The following ZBTB39 variants were observed in gnomAD, a reference collection of about 807,000 sequenced individuals.
ZBTB39 encodes zinc finger and BTB domain-containing protein 39.
Under a neutral mutation model 39.4 loss-of-function variants are expected in ZBTB39, and 25 were observed. That is an observed-to-expected ratio of 0.63 (90% confidence interval 0.46 to 0.89). The LOEUF (loss-of-function observed/expected upper bound fraction) is 0.89, where lower values mean the gene tolerates loss of function less well. Among genes scored for constraint, ZBTB39 ranks in the 40% least tolerant of loss-of-function variants. The pLI, the probability that ZBTB39 is intolerant of heterozygous loss-of-function variation, is 0.00. For synonymous variants in ZBTB39, 373 were observed against 359.6 expected (o/e 1.04, Z -0.42); for missense variants, 891 against 909.7 (o/e 0.98, Z 0.26).
At position 57,003,429 on chromosome 12, in the gene ZBTB39, A is replaced by C. The variant is rs780214293; in HGVS notation, c.1489T>G (p.Trp497Gly). 1 of 1,614,216 alleles carries C rather than the reference A, an allele frequency of 6.2e-7. No individual in the cohort carries two copies. The highest frequency in any genetic ancestry group is 1.1e-5 in the South Asian group (1 of 91,082). ...ATGCCGAGATGGGACAGCGTGTGCCACATGAGGCTGCAGAGGTTAAGGTGA... is the reference window on the plus strand; with the variant it reads ...ATGCCGAGATGGGACAGCGTGTGCCCCATGAGGCTGCAGAGGTTAAGGTGA... ...QRHLNLCSLM[W>G]HTLSHLGISV... The change falls in exon 2 of 2, where the codon TGG (tryptophan) becomes GGG (glycine). Residue 497 changes from tryptophan to glycine, a missense_variant. By Grantham distance (184) the Trp-to-Gly change is radical (BLOSUM62 -2). Transcript: ENST00000300101. This position sits in a 1 kb window ranked among gnomAD's most constrained non-coding sequence, Gnocchi z 4.8.
chr12:57,002,880 C>G lies in ZBTB39; in HGVS notation c.2038G>C (p.Val680Leu). The change falls in exon 2 of 2, where the codon GTT becomes CTT. Residue 680 changes from valine to leucine, a missense_variant. Physicochemically the swap from Val to Leu is conservative, Grantham distance 32 (BLOSUM62 1). Transcript: ENST00000300101. ...GGGAGGCTGCCTTTGTGCACACCAA[C>G]ATGTTTGCTCATGAGGTTAAGGGTG... ...SSTLNLMSKH[V>L]GVHKGSLPPD... 1 of 1,614,210 alleles carries G rather than the reference C, an allele frequency of 6.2e-7. No individual in the cohort carries two copies. Among genetic ancestry groups the G allele is most frequent in the African/African-American group, 1.3e-5 (1 of 75,042 alleles).
In ZBTB39 at chr12:57,003,466, G is replaced by C. The variant is rs145214115; in HGVS notation, c.1452C>G (p.Val484=). The C allele has an allele frequency of 4.3e-4, 692 of 1,613,660 alleles. 1 individual carries two copies. The highest frequency in any genetic ancestry group is 7.0e-4 in the Admixed American group (42 of 60,028). Residue 484 remains valine (V), a synonymous_variant, in exon 2 of 2, where the codon GTC becomes GTG. Transcript: ENST00000300101. The surrounding 1 kb of genome is among the most constrained non-coding windows in gnomAD (Gnocchi z 4.8). ...AGAGGTTAAGGTGACGCTGGTCGCA[G>C]ACACTGCAGGCCTGGCCCTTCAAGT... The part of the protein sequence containing the change: ...HLNLKGQACS[V]CDQRHLNLCS...
Position 56,999,545 on chromosome 12 carries a change from C to T in ZBTB39, c.*3234G>A, listed in dbSNP as rs1244154891. 1.3e-5 allele frequency: 2 copies of T among 152,178 alleles called. No homozygotes were observed. The highest frequency in any genetic ancestry group is 2.9e-5 in the Non-Finnish European group (2 of 68,028). The allele number at this position is 152,178 out of a possible 1,614,324, so 9.4% of individuals were successfully genotyped here. On this transcript the variant is annotated 3_prime_UTR_variant, in exon 2 of 2. Transcript: ENST00000300101. Reference sequence around the variant, plus strand: ...GGTCACCTGGGCCTGACCCTTATCCCACCTCCTTTCTTCCTAACTAGCCAT... The same window carrying T: ...GGTCACCTGGGCCTGACCCTTATCCTACCTCCTTTCTTCCTAACTAGCCAT...
rs3741576 is a variant in ZBTB39, at chr12:57,002,853, G to C, written c.2065C>G (p.Pro689Ala). 239 of 1,614,236 alleles carry C rather than the reference G, an allele frequency of 1.5e-4. No homozygotes were observed. In the East Asian group the frequency reaches 3.8e-3, roughly 25 times the overall value. ...AAGGTCTGCTCGATGGTGAAGTCAGGGGGGAGGCTGCCTTTGTGCACACCA... is the reference window on the plus strand; with the variant it reads ...AAGGTCTGCTCGATGGTGAAGTCAGCGGGGAGGCTGCCTTTGTGCACACCA... ...HVGVHKGSLP[P>A]DFTIEQTFMY... is the part of the protein sequence containing the mutation. Residue 689 changes from proline (P) to alanine (A), a missense_variant, in exon 2 of 2, where the codon CCT (proline) becomes GCT (alanine). Physicochemically the swap from Pro to Ala is conservative, Grantham distance 27. Transcript: ENST00000300101.
chr12:57,004,922 G>C lies in ZBTB39; in HGVS notation c.-5C>G, dbSNP rs907469473. 4.4e-6 allele frequency: 7 copies of C among 1,579,280 alleles called. 1 individual carries two copies. The highest frequency in any genetic ancestry group is 4.3e-6 in the Non-Finnish European group (5 of 1,159,504). On this transcript the variant is annotated 5_prime_UTR_variant, in exon 2 of 2. Transcript: ENST00000300101. ...CAGTTTGATCCTCATGCCCATCTTA[G>C]CAGCTCCTATGAAATTACCTCCTTA...
rs1213752837 is a variant in ZBTB39 at position 56,999,051 on chromosome 12, TTC to T, written c.*3726_*3727del. 2.6e-5 allele frequency: 4 copies of T among 152,630 alleles called. No homozygotes were observed. The highest frequency in any genetic ancestry group is 9.7e-5 in the African/African-American group (4 of 41,440). The allele number at this position is 152,630 out of a possible 1,614,324, so 9.5% of individuals were successfully genotyped here. On this transcript the variant is annotated 3_prime_UTR_variant, in exon 2 of 2. Transcript: ENST00000300101. ...GGAAGGAGTTAGACGTCAACAACTCTTCTCTGTTTCATAAGAGACTTTAGCTA... is the reference window on the plus strand; with the variant it reads ...GGAAGGAGTTAGACGTCAACAACTCTTCTGTTTCATAAGAGACTTTAGCTA...
chr12:57,001,152 T>C lies in ZBTB39; in HGVS notation c.*1627A>G, dbSNP rs1956207842. Reference sequence around the variant, plus strand: ...ACATGTCTTCCCTTAGTTATACCCCTGGTTCTCCACATCTCTGGTCAAGGC... The same window carrying C: ...ACATGTCTTCCCTTAGTTATACCCCCGGTTCTCCACATCTCTGGTCAAGGC... On this transcript the variant is annotated 3_prime_UTR_variant, in exon 2 of 2. Transcript: ENST00000300101. 6.6e-6 allele frequency: 1 copy of C among 152,280 alleles called. No individual in the cohort carries two copies. The highest frequency in any genetic ancestry group is 2.4e-5 in the African/African-American group (1 of 41,458). The allele number at this position is 152,280 out of a possible 1,614,324, so 9.4% of individuals were successfully genotyped here.
At position 57,002,958 on chromosome 12, in the gene ZBTB39, T is replaced by C; in HGVS notation, c.1960A>G (p.Thr654Ala). ...GRSTIKCHLK[T>A]HSGALMYRCT... is the part of the protein sequence containing the mutation. ...CGGTACATGAGGGCCCCCGAGTGTG[T>C]CTTTAGGTGGCACTTGATGGTCGAG... The change falls in exon 2 of 2, where the codon ACA becomes GCA. Residue 654 changes from threonine (T) to alanine (A), a missense_variant. Coordinates refer to ENST00000300101, the MANE Select transcript of ZBTB39 (RefSeq NM_014830.3). 3.1e-6 allele frequency: 5 copies of C among 1,614,194 alleles called. No individual in the cohort carries two copies. The highest frequency in any genetic ancestry group is 4.2e-6 in the Non-Finnish European group (5 of 1,180,032).
chr12:57,002,628 ATTTC>A lies in ZBTB39; in HGVS notation c.*147_*150del. 1 of 727,766 alleles carries A rather than the reference ATTTC, an allele frequency of 1.4e-6. No individual in the cohort carries two copies. The highest frequency in any genetic ancestry group is 2.2e-6 in the Non-Finnish European group (1 of 448,212). 45.1% of individuals were successfully genotyped at this position (727,766 alleles called of 1,614,324 possible). ...CAACAACAGTAACAGCTTATGTGCTATTTCTTCTTCTTTTCTTCTTTAAACACAA... is the reference window on the plus strand; with the variant it reads ...CAACAACAGTAACAGCTTATGTGCTATTCTTCTTTTCTTCTTTAAACACAA... On this transcript the variant is annotated 3_prime_UTR_variant, in exon 2 of 2. Transcript: ENST00000300101.
rs1025970408 is a variant in ZBTB39 at position 57,000,432 on chromosome 12, C to T, written c.*2347G>A. 1.3e-5 allele frequency: 2 copies of T among 152,618 alleles called. No homozygotes were observed. Among genetic ancestry groups the T allele is most frequent in the East Asian group, 1.9e-4 (1 of 5,190 alleles). 9.5% of individuals were successfully genotyped at this position (152,618 alleles called of 1,614,324 possible). A position where few individuals can be genotyped will look rare whatever the true frequency, so the allele number is the denominator to read the frequency against. ...CACAGACCACCCAGCATCCATGATG[C>T]CCTCTGTTAAGGAAAAAGGTTTCTC... On this transcript the variant is annotated 3_prime_UTR_variant, in exon 2 of 2. Transcript: ENST00000300101.
Position 57,003,411 on chromosome 12 carries a change from G to C in ZBTB39, c.1507C>G (p.Leu503Val), listed in dbSNP as rs1369100596. 1 of 1,614,254 alleles carries C rather than the reference G, an allele frequency of 6.2e-7. No individual in the cohort carries two copies. The highest frequency in any genetic ancestry group is 8.5e-7 in the Non-Finnish European group (1 of 1,180,036). ...CSLMWHTLSH[L>V]GISVFSCSVC... ...GAACAGGAGAAGACTGAGATGCCGA[G>C]ATGGGACAGCGTGTGCCACATGAGG... is the stretch of plus-strand genomic sequence containing the variant. Residue 503 changes from leucine (L) to valine (V), a missense_variant, in exon 2 of 2, where the codon CTC becomes GTC. Leu to Val is a conservative substitution (Grantham distance 32). Coordinates refer to ENST00000300101, the MANE Select transcript of ZBTB39 (RefSeq NM_014830.3). This position sits in a 1 kb window ranked among gnomAD's most constrained non-coding sequence, Gnocchi z 4.8.
In ZBTB39 at chr12:57,000,239, C is replaced by T. The variant is rs1956202331; in HGVS notation, c.*2540G>A. ...CAACAAATCTCATGAGCTACTGATCCTATGACGTATCTGACTGGGACCAAC... is the reference window on the plus strand; with the variant it reads ...CAACAAATCTCATGAGCTACTGATCTTATGACGTATCTGACTGGGACCAAC... On this transcript the variant is annotated 3_prime_UTR_variant, in exon 2 of 2. Coordinates refer to ENST00000300101, the MANE Select transcript of ZBTB39 (RefSeq NM_014830.3). The T allele has an allele frequency of 6.6e-6, 1 of 152,546 alleles. No individual in the cohort carries two copies. The highest frequency in any genetic ancestry group is 1.5e-5 in the Non-Finnish European group (1 of 68,040). 9.4% of individuals were successfully genotyped at this position (152,546 alleles called of 1,614,324 possible).
chr12:57,005,420 C>T (rs1198432226), intron 1 of ZBTB39, among the ~76,000 whole-genome samples: 1 of 152,156 alleles, frequency 6.6e-6, no homozygotes, highest in Non-Finnish European at 1.5e-5. Context: ...AAGGTGGTTC[C>T]GTTTTTTAGC....
intron 1 of ZBTB39, among the ~76,000 whole-genome samples, chr12:57,005,289 T>C (rs1034640638): frequency 6.6e-6 from 1 of 152,220 alleles, no homozygotes; most frequent in Non-Finnish European, 1.5e-5. Flanking sequence ...CTCCTATTAA[T>C]TTCCTCCCAA....
At position 57,004,809 on chromosome 12, in the gene ZBTB39, C is replaced by G; in HGVS notation, c.109G>C (p.Gly37Arg). 1 of 1,614,202 alleles carries G rather than the reference C, an allele frequency of 6.2e-7. No individual in the cohort carries two copies. ...TTGTGGGCCGGGAAGGAGCGGCTCC[C>G]CACCACAATGGTGACGTCGCACATG... Reference protein sequence around the residue: ...ETMCDVTIVVGSRSFPAHKAV... With the variant: ...ETMCDVTIVVRSRSFPAHKAV... Residue 37 changes from glycine (G) to arginine (R), a missense_variant, in exon 2 of 2, where the codon GGG becomes CGG. By Grantham distance (125) the Gly-to-Arg change is moderately radical. Transcript: ENST00000300101.
At position 57,003,765 on chromosome 12, in the gene ZBTB39, T is replaced by C. The variant is rs371807299; in HGVS notation, c.1153A>G (p.Asn385Asp). ...GACAGGACATGAGTTACCCGGGAGT[T>C]TCGGTCCTGGAAGTGGGTCTCGCAG... ...KVCETHFQDR[N>D]SRVTHVLSHI... Residue 385 changes from asparagine to aspartate, a missense_variant, in exon 2 of 2, where the codon AAC (asparagine) becomes GAC (aspartate). Transcript: ENST00000300101. This position sits in a 1 kb window ranked among gnomAD's most constrained non-coding sequence, Gnocchi z 4.8. 3 of 1,614,056 alleles carry C rather than the reference T, an allele frequency of 1.9e-6. No homozygotes were observed. In the African/African-American group the frequency reaches 4.0e-5, roughly 22 times the overall value.
chr12:57,004,987 G>A lies in ZBTB39; in HGVS notation c.-44-26C>T, dbSNP rs540703342. On this transcript the variant is annotated intron_variant, in intron 1 of 1. Coordinates refer to ENST00000300101, the MANE Select transcript of ZBTB39 (RefSeq NM_014830.3). ...CTGTGGATAGCAAGAGAAAAAGATG[G>A]ATGGCCAAACACATCCGTGCAAAAG... 117 of 1,478,858 alleles carry A rather than the reference G, an allele frequency of 7.9e-5. No individual in the cohort carries two copies. In the African/African-American group the frequency reaches 1.6e-3, roughly 20 times the overall value. 91.6% of individuals were successfully genotyped at this position (1,478,858 alleles called of 1,614,324 possible).
intron 1 of ZBTB39, among the ~76,000 whole-genome samples, chr12:57,005,961 G>A (rs1956242626): frequency 6.6e-6 from 1 of 152,204 alleles, no homozygotes; most frequent in African/African-American, 2.4e-5. Context: ...TGGGGTACCG[G>A]CCAAGCATCT....
In ZBTB39 at chr12:57,002,434, A is replaced by G. The variant is rs1312090174; in HGVS notation, c.*345T>C. On this transcript the variant is annotated 3_prime_UTR_variant, in exon 2 of 2. Coordinates refer to ENST00000300101, the MANE Select transcript of ZBTB39 (RefSeq NM_014830.3). ...AAGTGAGGCTGTTGGTTGGATTCTT[A>G]GCAGCATAAAACCTATCAGTAAACT... 7.9e-6 allele frequency: 2 copies of G among 253,432 alleles called. No individual in the cohort carries two copies. The highest frequency in any genetic ancestry group is 1.5e-5 in the Non-Finnish European group (2 of 131,746). 15.7% of individuals were successfully genotyped at this position (253,432 alleles called of 1,614,324 possible). A position where few individuals can be genotyped will look rare whatever the true frequency, so the allele number is the denominator to read the frequency against.
Sources: allele counts gnomAD v4.1 joint callset (sites outside exome capture counted in the v4.1 genomes callset), GRCh38; gene constraint gnomAD v4.1.1; non-coding constraint Gnocchi (gnomAD v3.1); transcripts MANE v1.5; gene names NCBI Gene and HGNC (gene_info 2026-07-23, HGNC 2026-07-21).